GALNT13: variants seen among roughly 807,000 people sequenced by gnomAD.
GALNT13 encodes UDP-GalNAc:polypeptide N-acetylgalactosaminyltransferase 13.
GALNT13 carries 28 observed loss-of-function variants against 64.2 expected under a neutral mutation model. The observed-to-expected ratio is 0.44, with a 90% CI of 0.32 to 0.60. GALNT13 has a LOEUF of 0.60. Among genes scored for constraint, GALNT13 ranks in the 20% least tolerant of loss-of-function variants. The pLI is 0.05. For synonymous variants in GALNT13, 214 were observed against 224.6 expected (o/e 0.95, Z 0.42); for missense variants, 577 against 669.8 (o/e 0.86, Z 1.53).
intron 3 of GALNT13, among the ~76,000 whole-genome samples, chr2:154,038,811 T>C (rs1034452916): frequency 1.3e-5 from 2 of 151,550 alleles, no homozygotes; most frequent in African/African-American, 4.9e-5. Context: ...AAAAACCGAG[T>C]CAAGACACAA....
the GALNT13 span, among the ~76,000 whole-genome samples, chr2:153,860,150 CTTTG>C: frequency 1.3e-5 from 2 of 152,226 alleles, no homozygotes; most frequent in Non-Finnish European, 2.9e-5. Context: ...ACGTTTTGTA[CTTTG>C]TTCTGAAACT....
At chr2:153,636,037 G>A in the GALNT13 span, among the ~76,000 whole-genome samples, 20 of 152,098 alleles carry the variant, frequency 1.3e-4, no homozygotes, top group Admixed American at 1.2e-3. Flanking sequence ...CGAACTCCAT[G>A]CATTTCTATT....
At chr2:153,221,352 A>G in the GALNT13 span, among the ~76,000 whole-genome samples, 5 of 152,294 alleles carry the variant, frequency 3.3e-5, no homozygotes, top group East Asian at 1.9e-4. Context: ...ACCCAAATCT[A>G]TGTCGTCTAA....
chr2:153,796,412 C>A, the GALNT13 span, among the ~76,000 whole-genome samples: 16 of 152,294 alleles, frequency 1.1e-4, no homozygotes, highest in African/African-American at 3.6e-4. Flanking sequence ...TCTGTCATAA[C>A]TCAAATGTTT....
At chr2:153,703,864 A>C in the GALNT13 span, among the ~76,000 whole-genome samples, 1 of 152,170 alleles carries the variant, frequency 6.6e-6, no homozygotes, top group African/African-American at 2.4e-5. Context: ...AACAGCAGTC[A>C]AGTCACCTTA....
chr2:154,125,213 A>G (rs570916395), intron 3 of GALNT13, among the ~76,000 whole-genome samples: 9 of 152,280 alleles, frequency 5.9e-5, no homozygotes, highest in African/African-American at 2.2e-4. Context: ...TTGGATGGGA[A>G]CACAACTGGT....
At chr2:154,387,007 A>T (rs937185926) in intron 9 of GALNT13, among the ~76,000 whole-genome samples, 1 of 152,122 alleles carries the variant, frequency 6.6e-6, no homozygotes, top group East Asian at 1.9e-4. Flanking sequence ...AAAATTCATT[A>T]TCTCATTTTT....
the GALNT13 span, among the ~76,000 whole-genome samples, chr2:153,552,777 G>T: frequency 1.3e-5 from 2 of 151,956 alleles, no homozygotes; most frequent in African/African-American, 2.4e-5. Flanking sequence ...ATGGTGGTTG[G>T]GGGGATGGTT....
the GALNT13 span, among the ~76,000 whole-genome samples, chr2:153,635,770 C>G: frequency 2.0e-5 from 3 of 152,012 alleles, no homozygotes; most frequent in African/African-American, 7.2e-5. Flanking sequence ...TCTGTGGTTT[C>G]CCTGTAGCAT....
intron 3 of GALNT13, among the ~76,000 whole-genome samples, chr2:153,950,658 A>G (rs781089710): frequency 2.6e-5 from 4 of 152,164 alleles, no homozygotes; most frequent in Non-Finnish European, 4.4e-5. Context: ...CCATAGATCT[A>G]TTAATGGAAA....
the GALNT13 span, among the ~76,000 whole-genome samples, chr2:153,212,610 AG>A: frequency 6.6e-6 from 1 of 152,216 alleles, no homozygotes; most frequent in African/African-American, 2.4e-5. Flanking sequence ...GGCAAATAAT[AG>A]ATTTGAAAGG....
chr2:153,569,274 A>G, the GALNT13 span, among the ~76,000 whole-genome samples: 1 of 152,124 alleles, frequency 6.6e-6, no homozygotes, highest in Non-Finnish European at 1.5e-5. Context: ...CGTTCATGTT[A>G]TTTTGGATTC....
chr2:153,178,679 C>T, the GALNT13 span, among the ~76,000 whole-genome samples: 1 of 149,708 alleles, frequency 6.7e-6, no homozygotes, highest in African/African-American at 2.4e-5. Context: ...TGTGATGTTT[C>T]ATTTCTTGTA....
chr2:153,707,648 G>A, the GALNT13 span, among the ~76,000 whole-genome samples: 1 of 152,296 alleles, frequency 6.6e-6, no homozygotes, highest in Non-Finnish European at 1.5e-5. Flanking sequence ...AGAGAAGCAA[G>A]TTCTCTTCAT....
intron 3 of GALNT13, among the ~76,000 whole-genome samples, chr2:154,119,705 C>T (rs561063342): frequency 9.9e-5 from 15 of 152,122 alleles, no homozygotes; most frequent in East Asian, 9.7e-4. Context: ...TGTTCTATTC[C>T]GCTGTTTGAG....
At chr2:153,969,852 T>C (rs1355548158) in intron 3 of GALNT13, among the ~76,000 whole-genome samples, 1 of 152,202 alleles carries the variant, frequency 6.6e-6, no homozygotes, top group African/African-American at 2.4e-5. Context: ...TTTTACTTAT[T>C]TGGGGCATGC....
chr2:153,533,484 T>C, the GALNT13 span, among the ~76,000 whole-genome samples: 2 of 152,004 alleles, frequency 1.3e-5, no homozygotes, highest in Non-Finnish European at 1.5e-5. Flanking sequence ...ACTCCTGACC[T>C]CAGGTGATCC....
the GALNT13 span, among the ~76,000 whole-genome samples, chr2:153,076,684 GTTCATCATT>G: frequency 1.3e-5 from 2 of 150,422 alleles, no homozygotes; most frequent in African/African-American, 5.0e-5. Context: ...GTATTTAAAT[GTTCATCATT>G]TTCCTCATTG....
intron 9 of GALNT13, among the ~76,000 whole-genome samples, chr2:154,366,560 G>A (rs767103842): frequency 6.6e-6 from 1 of 152,132 alleles, no homozygotes; most frequent in Admixed American, 6.6e-5. Context: ...AACTGTTAAA[G>A]CAAATTCAAA....
Sources: allele counts gnomAD v4.1 joint callset (sites outside exome capture counted in the v4.1 genomes callset), GRCh38; gene constraint gnomAD v4.1.1; transcripts MANE v1.5; gene names NCBI Gene and HGNC (gene_info 2026-07-23, HGNC 2026-07-21).